The following SHROOM3 variants were observed in gnomAD, a reference collection of about 807,000 sequenced individuals.
SHROOM3 encodes protein Shroom3.
Under a neutral mutation model 138.6 loss-of-function variants are expected in SHROOM3, and 47 were observed. The ratio of observed to expected loss-of-function variants is 0.34; its 90% CI spans 0.27 to 0.43. The LOEUF is 0.43. Ranked by LOEUF, SHROOM3 falls within the 20% of genes least tolerant of loss-of-function variation. The pLI is 1.00. For synonymous variants in SHROOM3, 1,062 were observed against 1,063.3 expected (o/e 1.00, Z 0.02); for missense variants, 2,491 against 2,596.5 (o/e 0.96, Z 0.88).
chr4:76,572,870 C>G lies in SHROOM3; in HGVS notation c.323+17107C>G, dbSNP rs961708603. Among the ~76,000 whole-genome samples the G allele has an allele frequency of 2.0e-5, 3 of 152,196 alleles. No homozygotes were observed. The East Asian group carries it at 5.8e-4, about 30-fold the overall frequency. ...CCAAAGCAGGTGGATCACTTGAGGT[C>G]AGGAGTTCGAGACCAGCCTGGTCAA... On this transcript the variant is annotated intron_variant, in intron 2 of 10. Coordinates refer to ENST00000296043, the MANE Select transcript of SHROOM3 (RefSeq NM_020859.4).
intron 2 of SHROOM3, among the ~76,000 whole-genome samples, chr4:76,642,601 GACAA>G (rs926288957): frequency 1.3e-5 from 2 of 152,150 alleles, no homozygotes; most frequent in African/African-American, 4.8e-5. Flanking sequence ...TGTGTGAAGG[GACAA>G]ACAAAGTTGT....
chr4:76,770,675 C>T lies in SHROOM3; in HGVS notation c.5399C>T (p.Ala1800Val), dbSNP rs755077995. The T allele has an allele frequency of 1.1e-5, 17 of 1,614,070 alleles. 1 individual carries two copies. The highest frequency in any genetic ancestry group is 2.2e-5 in the South Asian group (2 of 91,078). Reference protein sequence around the residue: ...LTHKLETLQEAKGSLLTDIKL... With the variant: ...LTHKLETLQEVKGSLLTDIKL... ...CACAAGCTGGAGACCCTCCAGGAGG[C>T]GAAGGGGAGCCTGCTCACGGACATC... The change falls in exon 10 of 11, where the codon GCG becomes GTG. Residue 1800 changes from alanine (A) to valine (V), a missense_variant. By Grantham distance (64) the Ala-to-Val change is moderately conservative. This residue lies in a region of SHROOM3 where 470 missense variants were observed against 595.0 expected (regional missense o/e 0.79). Coordinates refer to ENST00000296043, the MANE Select transcript of SHROOM3 (RefSeq NM_020859.4).
chr4:76,688,560 G>C, intron 2 of SHROOM3: 1 of 985,214 alleles, frequency 1.0e-6, no homozygotes, highest in East Asian at 1.1e-4. Flanking sequence ...GAGGTGACAC[G>C]TGAGAGCAAT....
At chr4:76,498,364 GAGAA>G (rs1732013465) in intron 1 of SHROOM3, among the ~76,000 whole-genome samples, 1 of 152,028 alleles carries the variant, frequency 6.6e-6, no homozygotes, top group African/African-American at 2.4e-5. Context: ...GAGAGGGAGG[GAGAA>G]AGAAAGAGAG....
intron 2 of SHROOM3, among the ~76,000 whole-genome samples, chr4:76,577,599 A>C (rs1423764415): frequency 6.6e-6 from 1 of 152,238 alleles, no homozygotes; most frequent in Non-Finnish European, 1.5e-5. Flanking sequence ...AATCTTGTTA[A>C]AGGATGAATT....
At chr4:76,635,877 G>A (rs919391275) in intron 2 of SHROOM3, among the ~76,000 whole-genome samples, 4 of 152,214 alleles carry the variant, frequency 2.6e-5, no homozygotes, top group African/African-American at 9.7e-5. Context: ...TGTGCTGTCA[G>A]ATCAATCCTA....
chr4:76,725,991 C>T (rs1371873223), intron 3 of SHROOM3, among the ~76,000 whole-genome samples: 1 of 152,206 alleles, frequency 6.6e-6, no homozygotes, highest in East Asian at 1.9e-4. Flanking sequence ...ACCCTCTTCT[C>T]CCCTTTAGAA....
intron 1 of SHROOM3, among the ~76,000 whole-genome samples, chr4:76,524,764 T>C (rs1271273964): frequency 2.0e-5 from 3 of 152,126 alleles, no homozygotes; most frequent in Admixed American, 2.0e-4. Flanking sequence ...TTTATGTTAG[T>C]TTATGAAAGG....
At chr4:76,554,187 A>G (rs1733427995) in intron 1 of SHROOM3, among the ~76,000 whole-genome samples, 1 of 152,148 alleles carries the variant, frequency 6.6e-6, no homozygotes, top group Non-Finnish European at 1.5e-5. Context: ...CTACAATGTC[A>G]TACACTTGAA....
intron 4 of SHROOM3, among the ~76,000 whole-genome samples, chr4:76,735,849 AAAAAAAAAAAAAAAAAAAAATATAT>A (rs1025292377): frequency 1.6e-4 from 14 of 85,172 alleles, no homozygotes; most frequent in African/African-American, 7.1e-4. Flanking sequence ...TAAAAAAAAA[AAAAAAAAAAAAAAAAAAAAATATAT>A]ATATATATAT....
intron 9 of SHROOM3, among the ~76,000 whole-genome samples, chr4:76,764,970 G>A (rs1335194949): frequency 6.6e-6 from 1 of 152,010 alleles, no homozygotes; most frequent in Non-Finnish European, 1.5e-5. Flanking sequence ...TAGTGATACA[G>A]TATTTCAATG....
intron 1 of SHROOM3, 143 bp downstream of exon 1, chr4:76,436,363 T>G (rs1579151687): frequency 1.1e-6 from 1 of 939,896 alleles, no homozygotes; most frequent in East Asian, 2.6e-5. Flanking sequence ...AGAAATATTT[T>G]GGATAGCCTG....
At chr4:76,616,949 AAG>A (rs1472277411) in intron 2 of SHROOM3, among the ~76,000 whole-genome samples, 1 of 152,252 alleles carries the variant, frequency 6.6e-6, no homozygotes, top group Non-Finnish European at 1.5e-5. Flanking sequence ...CACATAATAA[AAG>A]AGATACAAAA....
chr4:76,723,212 C>G (rs1179728515), intron 3 of SHROOM3, among the ~76,000 whole-genome samples: 1 of 152,104 alleles, frequency 6.6e-6, no homozygotes, highest in Admixed American at 6.6e-5. Flanking sequence ...GACTTCAGAC[C>G]CCATTCATGT....
In SHROOM3 at chr4:76,741,931, G is replaced by A. The variant is rs1721270799; in HGVS notation, c.3753+5G>A. On this transcript the variant is annotated splice_donor_5th_base_variant and intron_variant, in intron 5 of 10. Transcript: ENST00000296043. The surrounding 1 kb of genome is among the most constrained non-coding windows in gnomAD (Gnocchi z 6.2). Reference sequence around the variant, plus strand: ...GCCACCGCAGACAAGCGCCAGGTACGTGCAACCAGCAAGTCCTGGCCTCGA... The same window carrying A: ...GCCACCGCAGACAAGCGCCAGGTACATGCAACCAGCAAGTCCTGGCCTCGA... The A allele has an allele frequency of 3.7e-6, 6 of 1,611,864 alleles. No individual in the cohort carries two copies. The highest frequency in any genetic ancestry group is 5.1e-6 in the Non-Finnish European group (6 of 1,179,790).
At chr4:76,745,206 A>G (rs185290273) in intron 5 of SHROOM3, among the ~76,000 whole-genome samples, 84 of 152,372 alleles carry the variant, frequency 5.5e-4, no homozygotes, top group African/African-American at 1.9e-3. Flanking sequence ...TTAACCTGTT[A>G]AAAGTGGGTA....
chr4:76,546,342 T>C (rs1262752673), intron 1 of SHROOM3, among the ~76,000 whole-genome samples: 2 of 152,160 alleles, frequency 1.3e-5, no homozygotes, highest in African/African-American at 4.8e-5. Context: ...TAGGATGAGA[T>C]GAGAGGTAGA....
At chr4:76,694,023 A>C (rs1719650800) in intron 2 of SHROOM3, among the ~76,000 whole-genome samples, 2 of 152,154 alleles carry the variant, frequency 1.3e-5, no homozygotes. Flanking sequence ...CATGCTTTTC[A>C]GTAAAATGCT....
In SHROOM3 at chr4:76,745,679, A is replaced by G. The variant is rs538089356; in HGVS notation, c.3754-3338A>G. 7.2e-5 allele frequency among the ~76,000 whole-genome samples: 11 copies of G among 152,348 alleles called. No individual in the cohort carries two copies. In the South Asian group the frequency reaches 2.3e-3, roughly 32 times the overall value. On this transcript the variant is annotated intron_variant, in intron 5 of 10. Transcript: ENST00000296043. ...TGTGCCAGTCATTGTACTGTGTTTT[A>G]TAAGTATAAAATTAGTCTTGGCTGG...
Sources: gnomAD v4.1 joint callset for allele counts (sites outside exome capture counted in the v4.1 genomes callset) on GRCh38, gnomAD v4.1.1 for gene constraint, gnomAD v4.1.1 regional missense constraint, Gnocchi (gnomAD v3.1) non-coding constraint, MANE v1.5 for transcripts, NCBI Gene and HGNC (gene_info 2026-07-23, HGNC 2026-07-21) for gene names.